SLC35A5: variants seen among roughly 807,000 people sequenced by gnomAD.
SLC35A5 encodes the protein solute carrier family 35 member A5.
SLC35A5 carries 28 observed loss-of-function variants against 36.3 expected under a neutral mutation model. That is an observed-to-expected ratio of 0.77 (90% confidence interval 0.57 to 1.06). SLC35A5 has a LOEUF of 1.06. Among genes scored for constraint, SLC35A5 ranks in the 50% least tolerant of loss-of-function variants. The pLI, the probability that SLC35A5 is intolerant of heterozygous loss-of-function variation, is 0.00. For synonymous variants in SLC35A5, 180 were observed against 173.7 expected (o/e 1.04, Z -0.29); for missense variants, 521 against 499.3 (o/e 1.04, Z -0.41).
intron 1 of SLC35A5, among the ~76,000 whole-genome samples, chr3:112,562,626 A>G (rs1933975069): frequency 1.3e-5 from 2 of 152,230 alleles, no homozygotes; most frequent in Non-Finnish European, 2.9e-5. Flanking sequence ...AGTTCAGTAA[A>G]ACTTTACAGC....
In SLC35A5 at chr3:112,585,148, C is replaced by CA. The variant is rs1264593834; in HGVS notation, c.*2414dup. On this transcript the variant is annotated 3_prime_UTR_variant, in exon 7 of 7. Transcript: ENST00000492406. ...TGGGGAGGAGGCCTCAGGAAACTCA[C>CA]AAGCATGGCTGAAGGCGAAACAGAA... 1 of 150,844 alleles carries CA rather than the reference C, an allele frequency of 6.6e-6. No individual in the cohort carries two copies. The highest frequency in any genetic ancestry group is 1.5e-5 in the Non-Finnish European group (1 of 68,034). The allele number at this position is 150,844 out of a possible 1,614,324, so 9.3% of individuals were successfully genotyped here.
intron 2 of SLC35A5, among the ~76,000 whole-genome samples, chr3:112,568,500 T>G (rs56253335): frequency 3.9e-5 from 6 of 152,224 alleles, no homozygotes; most frequent in African/African-American, 1.4e-4. Context: ...CTAATTCTAT[T>G]GATTTGCAGT....
upstream of SLC35A5, chr3:112,561,620 C>T (rs764064511): frequency 1.5e-6 from 2 of 1,313,242 alleles, no homozygotes; most frequent in Non-Finnish European, 2.1e-6. Context: ...TCGCTGCCAC[C>T]GACTCGCATC....
At chr3:112,569,882 TAAACTTTA>T (rs1166691034) in intron 3 of SLC35A5, among the ~76,000 whole-genome samples, 8 of 152,242 alleles carry the variant, frequency 5.3e-5, no homozygotes, top group Non-Finnish European at 8.8e-5. Context: ...GAGGTAAACG[TAAACTTTA>T]GAGCATTGAA....
intron 2 of SLC35A5, among the ~76,000 whole-genome samples, chr3:112,568,669 T>C (rs545060983): frequency 1.3e-5 from 2 of 152,330 alleles, no homozygotes; most frequent in East Asian, 1.9e-4. Flanking sequence ...CAAACAAATA[T>C]TAATGTTTTC....
chr3:112,564,132 C>T (rs947994377), intron 2 of SLC35A5: 4 of 151,638 alleles, frequency 2.6e-5, no homozygotes, highest in African/African-American at 4.9e-5. Context: ...TTAGGTGGAA[C>T]GAGAGACTTG....
intron 2 of SLC35A5, 61 bp downstream of exon 2, chr3:112,563,594 C>A: frequency 6.8e-7 from 1 of 1,463,544 alleles, no homozygotes; most frequent in Non-Finnish European, 9.2e-7. Flanking sequence ...CTCTCTCTTG[C>A]CTTTGGTTCT....
At chr3:112,566,777 G>A (rs1433410926) in intron 2 of SLC35A5, among the ~76,000 whole-genome samples, 2 of 152,246 alleles carry the variant, frequency 1.3e-5, no homozygotes, top group Non-Finnish European at 2.9e-5. Context: ...TGGAAAGTGA[G>A]TAAAGGGCAG....
At chr3:112,567,029 A>G (rs941152100) in intron 2 of SLC35A5, among the ~76,000 whole-genome samples, 1 of 151,912 alleles carries the variant, frequency 6.6e-6, no homozygotes, top group Non-Finnish European at 1.5e-5. Context: ...GATCAAGACC[A>G]TCCTGGCTAA....
intron 2 of SLC35A5, among the ~76,000 whole-genome samples, chr3:112,566,579 G>A (rs747217447): frequency 9.2e-5 from 14 of 152,184 alleles, no homozygotes; most frequent in African/African-American, 2.4e-4. Flanking sequence ...CATCATTAGC[G>A]AGATGGGATA....
At chr3:112,567,869 A>T (rs1240048448) in intron 2 of SLC35A5, among the ~76,000 whole-genome samples, 1 of 152,226 alleles carries the variant, frequency 6.6e-6, no homozygotes, top group East Asian at 1.9e-4. Flanking sequence ...CCCTTCTTAT[A>T]TGCACATGTT....
At position 112,580,570 on chromosome 3, in the gene SLC35A5, G is replaced by A; in HGVS notation, c.453G>A (p.Trp151Ter). The A allele has an allele frequency of 6.2e-7, 1 of 1,613,216 alleles. No individual in the cohort carries two copies. The highest frequency in any genetic ancestry group is 1.1e-5 in the South Asian group (1 of 91,012). Residue 151 changes from tryptophan (W) to a stop codon, truncating the protein, a stop_gained, in exon 6 of 7, where the codon TGG (tryptophan) becomes TGA (stop). Transcript: ENST00000492406. LOFTEE classifies it high-confidence loss of function. ...VLKRRLNWIQ[W>*]ASLLTLFLSI... ...GGAGGCGTCTAAACTGGATCCAGTGGGCTTCCCTCCTGACTTTATTTTTGT... is the reference window on the plus strand; with the variant it reads ...GGAGGCGTCTAAACTGGATCCAGTGAGCTTCCCTCCTGACTTTATTTTTGT...
In SLC35A5 at chr3:112,581,188, G is replaced by A. The variant is rs1257769842; in HGVS notation, c.1071G>A (p.Leu357=). 1 of 1,613,848 alleles carries A rather than the reference G, an allele frequency of 6.2e-7. No homozygotes were observed. The change falls in exon 6 of 7, where the codon CTG becomes CTA. Residue 357 remains leucine (L), a synonymous_variant. Coordinates refer to ENST00000492406, the MANE Select transcript of SLC35A5 (RefSeq NM_017945.5). ...SVLVFDFRPS[L]EFFLEAPSVL... is the part of the protein sequence containing the mutation. Reference sequence around the variant, plus strand: ...TGGTCTTTGACTTCAGGCCCTCCCTGGAATTTTTCTTGGAAGCCCCATCAG... The same window carrying A: ...TGGTCTTTGACTTCAGGCCCTCCCTAGAATTTTTCTTGGAAGCCCCATCAG...
In SLC35A5 at chr3:112,583,100, A is replaced by G. The variant is rs143919345; in HGVS notation, c.*364A>G. The stretch of plus-strand genomic sequence containing the variant: ...GAGATCAATTTGCCAAATATTCACA[A>G]TCATGTAGTTCTAGTTTACATGCCA... On this transcript the variant is annotated 3_prime_UTR_variant, in exon 7 of 7. Coordinates refer to ENST00000492406, the MANE Select transcript of SLC35A5 (RefSeq NM_017945.5). 1.9e-3 allele frequency: 741 copies of G among 400,490 alleles called. 7 individuals are homozygous for G. The highest frequency in any genetic ancestry group is 0.013 in the African/African-American group (652 of 48,752). The allele number at this position is 400,490 out of a possible 1,614,324, so 24.8% of individuals were successfully genotyped here.
intron 6 of SLC35A5, 84 bp from the exon 7 acceptor site, chr3:112,582,587 C>A: frequency 1.2e-6 from 1 of 856,420 alleles, no homozygotes; most frequent in Non-Finnish European, 1.9e-6. Flanking sequence ...GAGGTAAGAC[C>A]AGTGATTTGT....
chr3:112,570,398 G>T, intron 3 of SLC35A5, 142 bp from the exon 4 acceptor site: 1 of 792,918 alleles, frequency 1.3e-6, no homozygotes, highest in Non-Finnish European at 1.9e-6. Context: ...GAAACTGGTG[G>T]GTTGAAGAGA....
intron 3 of SLC35A5, among the ~76,000 whole-genome samples, chr3:112,569,943 A>C (rs1934369090): frequency 1.3e-5 from 2 of 152,224 alleles, no homozygotes; most frequent in Admixed American, 1.3e-4. Flanking sequence ...CAGGGTTTCA[A>C]ACTTTGCAGT....
intron 1 of SLC35A5, among the ~76,000 whole-genome samples, chr3:112,562,877 T>TGTTGGTC (rs1933994849): frequency 6.6e-6 from 1 of 151,892 alleles, no homozygotes; most frequent in Non-Finnish European, 1.5e-5. Context: ...CTGGCCAACA[T>TGTTGGTC]AGTGAAACCC....
At chr3:112,568,714 T>C (rs1388812603) in intron 2 of SLC35A5, among the ~76,000 whole-genome samples, 2 of 152,338 alleles carry the variant, frequency 1.3e-5, no homozygotes, top group East Asian at 3.9e-4. Context: ...ATTGGAAAAC[T>C]CTTAAGGGGA....
Sources: allele counts gnomAD v4.1 joint callset (sites outside exome capture counted in the v4.1 genomes callset), GRCh38; gene constraint gnomAD v4.1.1; transcripts MANE v1.5; gene names NCBI Gene and HGNC (gene_info 2026-07-23, HGNC 2026-07-21).